GRIK4: variants seen among roughly 807,000 people sequenced by gnomAD.
GRIK4 encodes the protein glutamate receptor ionotropic, kainate 4.
GRIK4 carries 40 observed loss-of-function variants against 104.9 expected under a neutral mutation model. That is an observed-to-expected ratio of 0.38 (90% CI 0.30 to 0.50). The LOEUF is 0.50. GRIK4 is among the 20% of genes least tolerant of loss of function. GRIK4 has a pLI of 0.93. For synonymous variants in GRIK4, 485 were observed against 524.9 expected (o/e 0.92, Z 1.04); for missense variants, 1,047 against 1,308.1 (o/e 0.80, Z 3.08).
At chr11:120,632,478 G>A (rs1229981687) in intron 1 of GRIK4, among the ~76,000 whole-genome samples, 1 of 151,952 alleles carries the variant, frequency 6.6e-6, no homozygotes, top group Non-Finnish European at 1.5e-5. Context: ...GTCCTGTATT[G>A]TCAGGCTGGA....
chr11:120,539,925 G>A (rs1376013884), intron 1 of GRIK4, among the ~76,000 whole-genome samples: 3 of 152,194 alleles, frequency 2.0e-5, no homozygotes, highest in Non-Finnish European at 4.4e-5. Flanking sequence ...GAGTTATCAC[G>A]GGGCTGGGGC....
At chr11:120,737,887 T>C (rs748785115) in intron 3 of GRIK4, among the ~76,000 whole-genome samples, 1 of 152,132 alleles carries the variant, frequency 6.6e-6, no homozygotes, top group Admixed American at 6.5e-5. Context: ...CCATTTATAT[T>C]GTGTGTGTGG....
chr11:120,589,755 A>G (rs1948712876), intron 1 of GRIK4, among the ~76,000 whole-genome samples: 1 of 152,168 alleles, frequency 6.6e-6, no homozygotes, highest in Non-Finnish European at 1.5e-5. Flanking sequence ...CCCGGCCTCA[A>G]CAGGAGACAG....
intron 13 of GRIK4, among the ~76,000 whole-genome samples, chr11:120,938,444 T>C (rs530206157): frequency 3.5e-4 from 53 of 152,328 alleles, no homozygotes; most frequent in African/African-American, 1.3e-3. Context: ...GGCTCCGAGT[T>C]TGTTAAGCTG....
chr11:120,600,018 A>G (rs1948862406), intron 1 of GRIK4, among the ~76,000 whole-genome samples: 1 of 152,206 alleles, frequency 6.6e-6, no homozygotes, highest in Admixed American at 6.5e-5. Flanking sequence ...GGCCTGGCGC[A>G]TCAGAAAAGC....
intron 1 of GRIK4, among the ~76,000 whole-genome samples, chr11:120,599,632 T>C (rs1406675084): frequency 1.3e-5 from 2 of 152,182 alleles, no homozygotes; most frequent in East Asian, 1.9e-4. Flanking sequence ...TCCAGGGATA[T>C]AGTGCCCCGT....
intron 13 of GRIK4, among the ~76,000 whole-genome samples, chr11:120,918,564 C>A (rs956372294): frequency 6.6e-6 from 1 of 152,140 alleles, no homozygotes; most frequent in Non-Finnish European, 1.5e-5. Context: ...AACACGTGCT[C>A]TGGGATGGGG....
At chr11:120,675,535 A>G (rs1950086690) in intron 3 of GRIK4, among the ~76,000 whole-genome samples, 1 of 152,174 alleles carries the variant, frequency 6.6e-6, no homozygotes, top group Admixed American at 6.5e-5. Context: ...TAGCATGCAC[A>G]GTGTGTGGCA....
At chr11:120,985,790 AAG>A (rs1167973870) in intron 20 of GRIK4, 112 bp from the exon 21 acceptor site, 1 of 895,658 alleles carries the variant, frequency 1.1e-6, no homozygotes, top group Non-Finnish European at 1.7e-6. Flanking sequence ...CTTCATACTT[AAG>A]ATGACACGAT....
chr11:120,563,108 C>T lies in GRIK4; in HGVS notation c.-159+51221C>T, dbSNP rs556049445. Among the ~76,000 whole-genome samples the T allele has an allele frequency of 9.2e-5, 14 of 152,360 alleles. No individual in the cohort carries two copies. In the South Asian group the frequency reaches 2.9e-3, roughly 32 times the overall value. The stretch of plus-strand genomic sequence containing the variant: ...ACTTCACTGTCTCCCTGGGTAAAAC[C>T]CGGGAATCAGCTCCCTTCTTTTGTC... On this transcript the variant is annotated intron_variant, in intron 1 of 20. Transcript: ENST00000527524.
In GRIK4 at chr11:120,586,860, C is replaced by T. The variant is rs560730348; in HGVS notation, c.-158-66825C>T. On this transcript the variant is annotated intron_variant, in intron 1 of 20. Transcript: ENST00000527524. ...TGGTTAGGATCAGGCCCTGCAGTCG[C>T]GCTGCCCCAGGCATAGTAGTGAGGG... Among the ~76,000 whole-genome samples the T allele has an allele frequency of 9.9e-5, 15 of 152,146 alleles. No homozygotes were observed. In the South Asian group the frequency reaches 1.0e-3, roughly 11 times the overall value.
At chr11:120,728,911 C>T (rs1311988888) in intron 3 of GRIK4, among the ~76,000 whole-genome samples, 1 of 152,156 alleles carries the variant, frequency 6.6e-6, no homozygotes, top group Non-Finnish European at 1.5e-5. Context: ...TCCCCACTTC[C>T]CCACTACCCT....
chr11:120,567,108 C>G (rs1341438508), intron 1 of GRIK4, among the ~76,000 whole-genome samples: 1 of 150,364 alleles, frequency 6.7e-6, no homozygotes, highest in Non-Finnish European at 1.5e-5. Context: ...CTGCCTCAGT[C>G]TCCTCAGTAG....
chr11:120,787,429 T>G (rs993041351), intron 3 of GRIK4, among the ~76,000 whole-genome samples: 21 of 149,796 alleles, frequency 1.4e-4, no homozygotes, highest in Admixed American at 1.1e-3. Context: ...TTGATGTTAT[T>G]TTATTTTATT....
rs1158766760 is a variant in GRIK4, at chr11:120,953,013, C to T, written c.1700+49C>T. ...TCCTTACACCGCCACCTCGTGTCCA[C>T]CTCTGGGAACTGCATGGGGAGGGGG... On this transcript the variant is annotated intron_variant, in intron 15 of 20. Transcript: ENST00000527524. The surrounding 1 kb of genome is among the most constrained non-coding windows in gnomAD (Gnocchi z 4.9). 7.5e-6 allele frequency: 9 copies of T among 1,202,244 alleles called. No homozygotes were observed. Among genetic ancestry groups the T allele is most frequent in the Admixed American group, 1.7e-5 (1 of 58,724 alleles). The allele number at this position is 1,202,244 out of a possible 1,614,324, so 74.5% of individuals were successfully genotyped here.
chr11:120,545,539 C>G (rs1948077942), intron 1 of GRIK4, among the ~76,000 whole-genome samples: 1 of 152,150 alleles, frequency 6.6e-6, no homozygotes. Context: ...ATTAACCATT[C>G]TTTTGTGTAT....
At chr11:120,656,983 C>A (rs1949721030) in intron 2 of GRIK4, among the ~76,000 whole-genome samples, 1 of 152,170 alleles carries the variant, frequency 6.6e-6, no homozygotes, top group Admixed American at 6.5e-5. Flanking sequence ...AATCTGACAC[C>A]TATTTAGCAG....
chr11:120,525,802 G>A (rs1409259438), intron 1 of GRIK4, among the ~76,000 whole-genome samples: 1 of 152,098 alleles, frequency 6.6e-6, no homozygotes, highest in African/African-American at 2.4e-5. Context: ...TGGTGTGGTG[G>A]GGGGTGACGG....
intron 3 of GRIK4, among the ~76,000 whole-genome samples, chr11:120,710,419 G>A (rs1234421516): frequency 6.6e-6 from 1 of 152,170 alleles, no homozygotes; most frequent in African/African-American, 2.4e-5. Flanking sequence ...GTGGACCCCA[G>A]GGGTGGCTCT....
Sources: gnomAD v4.1 joint callset for allele counts (sites outside exome capture counted in the v4.1 genomes callset) on GRCh38, gnomAD v4.1.1 for gene constraint, Gnocchi (gnomAD v3.1) non-coding constraint, MANE v1.5 for transcripts, NCBI Gene and HGNC (gene_info 2026-07-23, HGNC 2026-07-21) for gene names.